The following SCUBE2 variants were observed in gnomAD, a reference collection of about 807,000 sequenced individuals.
The protein encoded by SCUBE2 is signal peptide, CUB domain and EGF like domain containing 2, also known as signal peptide, CUB and EGF-like domain-containing protein 2.
SCUBE2 carries 114 observed loss-of-function variants against 125.9 expected under a neutral mutation model. The observed-to-expected ratio is 0.91, with a 90% CI of 0.78 to 1.06. The LOEUF is 1.06. Among genes scored for constraint, SCUBE2 ranks in the 50% least tolerant of loss-of-function variants. The pLI is 0.00. For synonymous variants in SCUBE2, 459 were observed against 492.9 expected, an observed-to-expected ratio of 0.93 and a Z score of 0.91; for missense variants, 1,255 against 1,301.8, an observed-to-expected ratio of 0.96 and a Z score of 0.55.
intron 4 of SCUBE2, among the ~76,000 whole-genome samples, chr11:9,072,009 A>G (rs958964014): frequency 1.1e-4 from 17 of 152,150 alleles, no homozygotes; most frequent in African/African-American, 4.1e-4. Context: ...TGGAGTCTCT[A>G]AGGATAAAAA....
At chr11:9,076,301 T>C (rs1224585921) in intron 3 of SCUBE2, among the ~76,000 whole-genome samples, 1 of 151,856 alleles carries the variant, frequency 6.6e-6, no homozygotes, top group Non-Finnish European at 1.5e-5. Flanking sequence ...GGAGGAAGCC[T>C]TCTGCCACAC....
chr11:9,055,012 C>G lies in SCUBE2; in HGVS notation c.1207+781G>C, dbSNP rs149650012. On this transcript the variant is annotated intron_variant, in intron 10 of 22. Coordinates refer to ENST00000649792, the MANE Select transcript of SCUBE2 (RefSeq NM_001367977.2). ...GCCTCCCAAAGTTCTGGGATTAGAG[C>G]CGTAAGCCACCACGCCCAGCATATC... Among the ~76,000 whole-genome samples the G allele has an allele frequency of 4.7e-3, 719 of 151,760 alleles. 7 individuals carry two copies. The highest frequency in any genetic ancestry group is 0.015 in the African/African-American group (640 of 41,368).
intron 16 of SCUBE2, among the ~76,000 whole-genome samples, chr11:9,046,963 T>C (rs1857844994): frequency 7.3e-6 from 1 of 137,848 alleles, no homozygotes; most frequent in Non-Finnish European, 1.6e-5. Flanking sequence ...ATTCTACTGA[T>C]ACTTAGGAAA....
chr11:9,028,395 GCTGGATA>G (rs891217117), intron 19 of SCUBE2, among the ~76,000 whole-genome samples: 48 of 152,296 alleles, frequency 3.2e-4, no homozygotes, highest in African/African-American at 1.1e-3. Context: ...TACAGGGCAT[GCTGGATA>G]CCTACGTCTG....
intron 10 of SCUBE2, among the ~76,000 whole-genome samples, chr11:9,054,745 T>TTTTTTTTTTTTTTC (rs1350882447): frequency 1.8e-5 from 2 of 110,440 alleles, no homozygotes; most frequent in Non-Finnish European, 1.9e-5. Flanking sequence ...TTTTTTTTTT[T>TTTTTTTTTTTTTTC]TTTTTTTCAG....
chr11:9,031,031 C>A (rs948801467), intron 17 of SCUBE2, 106 bp from the exon 18 acceptor site: 3 of 1,040,760 alleles, frequency 2.9e-6, no homozygotes. Flanking sequence ...CAGTGCTGAC[C>A]GCAGTTCCCA....
chr11:9,022,064 C>G (rs1855342026), intron 21 of SCUBE2, 109 bp from the exon 22 acceptor site: 7 of 767,394 alleles, frequency 9.1e-6, no homozygotes, highest in Non-Finnish European at 1.6e-5. Context: ...TGGCTGCTAT[C>G]ACTTACCATT....
In SCUBE2 at chr11:9,021,034, C is replaced by A. The variant is rs1268623953; in HGVS notation, c.*11G>T. The A allele has an allele frequency of 4.3e-6, 7 of 1,609,914 alleles. No individual in the cohort carries two copies. The highest frequency in any genetic ancestry group is 5.9e-6 in the Non-Finnish European group (7 of 1,178,830). ...AGCAGAACATTTGTATTGAGTGGCA[C>A]GTGGGCTGAGTCATTTGTAAGGTCT... On this transcript the variant is annotated 3_prime_UTR_variant, in exon 23 of 23. Transcript: ENST00000649792.
intron 15 of SCUBE2, 122 bp from the exon 16 acceptor site, chr11:9,047,684 C>G: frequency 9.6e-7 from 1 of 1,044,922 alleles, no homozygotes; most frequent in Non-Finnish European, 1.4e-6. Flanking sequence ...GGGGAGAAAC[C>G]TGGAGGGGGC....
chr11:9,054,262 G>A (rs1858767334), intron 10 of SCUBE2, among the ~76,000 whole-genome samples: 1 of 151,972 alleles, frequency 6.6e-6, no homozygotes. Flanking sequence ...CTCCCAAAGT[G>A]CTGGGATTAC....
At chr11:9,033,389 C>T (rs1349881642) in intron 17 of SCUBE2, among the ~76,000 whole-genome samples, 2 of 152,216 alleles carry the variant, frequency 1.3e-5, no homozygotes, top group Admixed American at 1.3e-4. Flanking sequence ...AACACTTACG[C>T]TCTTCTGCTA....
At chr11:9,082,412 G>C (rs1861713355) in intron 2 of SCUBE2, among the ~76,000 whole-genome samples, 1 of 151,760 alleles carries the variant, frequency 6.6e-6, no homozygotes, top group East Asian at 1.9e-4. Flanking sequence ...TTATCTCCTC[G>C]GCAGTTTCTT....
intron 11 of SCUBE2, among the ~76,000 whole-genome samples, 184 bp from the exon 12 acceptor site, chr11:9,053,399 T>C (rs1463720031): frequency 2.6e-5 from 4 of 152,256 alleles, no homozygotes; most frequent in African/African-American, 7.2e-5. Context: ...CATTTCTTCA[T>C]GCAGAAAAGC....
rs969164707 is a variant in SCUBE2 at position 9,020,050 on chromosome 11, A to G, written c.*995T>C. Reference sequence around the variant, plus strand: ...GGGGCTGCTCATGTCCACGGAGCAGAGTCCGTCTCTCACATTTGAGACTGG... The same window carrying G: ...GGGGCTGCTCATGTCCACGGAGCAGGGTCCGTCTCTCACATTTGAGACTGG... On this transcript the variant is annotated 3_prime_UTR_variant, in exon 23 of 23. Transcript: ENST00000649792. Among the ~76,000 whole-genome samples, 1 of 152,222 alleles carries G rather than the reference A, an allele frequency of 6.6e-6. No individual in the cohort carries two copies. The highest frequency in any genetic ancestry group is 1.5e-5 in the Non-Finnish European group (1 of 68,044).
intron 6 of SCUBE2, among the ~76,000 whole-genome samples, 188 bp downstream of exon 6, chr11:9,066,509 C>G (rs1364895475): frequency 4.6e-5 from 7 of 152,204 alleles, no homozygotes; most frequent in Admixed American, 4.6e-4. Context: ...CAAGGTCACA[C>G]AGGGAGAGAG....
chr11:9,054,156 C>T (rs1464643733), intron 10 of SCUBE2, among the ~76,000 whole-genome samples: 1 of 152,100 alleles, frequency 6.6e-6, no homozygotes, highest in African/African-American at 2.4e-5. Flanking sequence ...GCCAACACGC[C>T]TGGCTAATTT....
intron 16 of SCUBE2, among the ~76,000 whole-genome samples, chr11:9,043,707 A>C (rs1857440848): frequency 6.6e-6 from 1 of 152,224 alleles, no homozygotes; most frequent in African/African-American, 2.4e-5. Flanking sequence ...ATAGGCAAAG[A>C]ATATAGATGT....
At position 9,059,205 on chromosome 11, in the gene SCUBE2, A is replaced by G. The variant is rs1468993197; in HGVS notation, c.1090+98T>C. ...GGAGATTGGATTAGTGGCCCTGTCA[A>G]GAAGCCTGATAAGCCAGTCTCTGCC... On this transcript the variant is annotated intron_variant, in intron 9 of 22. Coordinates refer to ENST00000649792, the MANE Select transcript of SCUBE2 (RefSeq NM_001367977.2). The G allele has an allele frequency of 2.8e-6, 4 of 1,439,038 alleles. No homozygotes were observed. In the Admixed American group the frequency reaches 7.8e-5, roughly 28 times the overall value. 89.1% of individuals were successfully genotyped at this position (1,439,038 alleles called of 1,614,324 possible). A position where few individuals can be genotyped will look rare whatever the true frequency, so the allele number is the denominator to read the frequency against.
chr11:9,086,122 A>T (rs1862049890), intron 2 of SCUBE2, among the ~76,000 whole-genome samples: 1 of 152,160 alleles, frequency 6.6e-6, no homozygotes, highest in African/African-American at 2.4e-5. Context: ...GCGTGAGCCA[A>T]TTCAATTCCT....
Sources: allele counts gnomAD v4.1 joint callset (sites outside exome capture counted in the v4.1 genomes callset), GRCh38; gene constraint gnomAD v4.1.1; transcripts MANE v1.5; gene names NCBI Gene and HGNC (gene_info 2026-07-23, HGNC 2026-07-21).